GREB1L: variants seen among roughly 807,000 people sequenced by gnomAD.
The protein encoded by GREB1L is GREB1 like retinoic acid receptor coactivator.
A neutral mutation model predicts 200.8 loss-of-function variants in GREB1L; 17 were observed. That is an observed-to-expected ratio of 0.08 (90% CI 0.06 to 0.13). The LOEUF (loss-of-function observed/expected upper bound fraction) is 0.13. Among genes scored for constraint, GREB1L ranks in the 10% least tolerant of loss-of-function variants. GREB1L has a pLI of 1.00. For missense variants in GREB1L, 1,657 were observed against 2,367.7 expected (o/e 0.70, Z 6.23); for synonymous variants, 789 against 893.0 (o/e 0.88, Z 2.08).
intron 7 of GREB1L, 67 bp from the exon 8 acceptor site, chr18:21,439,454 C>T: frequency 1.1e-6 from 1 of 917,026 alleles, no homozygotes; most frequent in Non-Finnish European, 1.8e-6. Flanking sequence ...CAGATGGTTC[C>T]AGCATCCCAG....
At chr18:21,388,082 C>A (rs763029134) in intron 4 of GREB1L, among the ~76,000 whole-genome samples, 3 of 152,094 alleles carry the variant, frequency 2.0e-5, no homozygotes, top group African/African-American at 2.4e-5. Context: ...AAACTGAATT[C>A]ATAAACTTTT....
intron 6 of GREB1L, 130 bp from the exon 7 acceptor site, chr18:21,403,742 A>ATC (rs2041413090): frequency 3.0e-6 from 2 of 660,266 alleles, no homozygotes; most frequent in Admixed American, 2.8e-5. Flanking sequence ...GGGGAAGGTG[A>ATC]TCTCTAATTA....
At chr18:21,412,834 A>C (rs2031210892) in intron 7 of GREB1L, among the ~76,000 whole-genome samples, 1 of 149,856 alleles carries the variant, frequency 6.7e-6, no homozygotes, top group Non-Finnish European at 1.5e-5. Context: ...AAAAGGGTGG[A>C]TTTACCACCC....
At chr18:21,321,369 T>C (rs912569048) in intron 1 of GREB1L, among the ~76,000 whole-genome samples, 2 of 151,614 alleles carry the variant, frequency 1.3e-5, no homozygotes, top group Admixed American at 6.6e-5. Flanking sequence ...AGATTGAAAA[T>C]ACTGTTTCCC....
At chr18:21,294,930 A>C (rs2038503694) in intron 1 of GREB1L, among the ~76,000 whole-genome samples, 1 of 152,132 alleles carries the variant, frequency 6.6e-6, no homozygotes, top group African/African-American at 2.4e-5. Flanking sequence ...TCAGTTTGGC[A>C]TTGTGATGAA....
intron 2 of GREB1L, among the ~76,000 whole-genome samples, chr18:21,376,093 T>TTCTC (rs149573179): frequency 3.3e-5 from 5 of 149,486 alleles, no homozygotes; most frequent in African/African-American, 1.2e-4. Context: ...AGGAGGGCAT[T>TTCTC]TCTCTCTCTC....
At position 21,305,079 on chromosome 18, in the gene GREB1L, G is replaced by A. The variant is rs532615146; in HGVS notation, c.-119-60948G>A. On this transcript the variant is annotated intron_variant, in intron 1 of 32. Coordinates refer to ENST00000424526, the MANE Select transcript of GREB1L (RefSeq NM_001142966.3). ...CTGTAACTTCCTCCTGGGTTCAAGC[G>A]ATTCTCCTGCCTCAGCCTCCCGAGT... Among the ~76,000 whole-genome samples the A allele has an allele frequency of 1.4e-4, 22 of 151,910 alleles. No individual in the cohort carries two copies. The East Asian group carries it at 3.3e-3, about 23-fold the overall frequency.
In GREB1L at chr18:21,513,684, A is replaced by G. The variant is rs189738007; in HGVS notation, c.4736-137A>G. The G allele has an allele frequency of 2.1e-4, 150 of 717,232 alleles. 1 individual carries two copies. In the Admixed American group the frequency reaches 4.1e-3, roughly 19 times the overall value. 44.4% of individuals were successfully genotyped at this position (717,232 alleles called of 1,614,324 possible). On this transcript the variant is annotated intron_variant, in intron 27 of 32. Coordinates refer to ENST00000424526, the MANE Select transcript of GREB1L (RefSeq NM_001142966.3). ...ACTGGTTTGAGAGCCACTGCTCTGA[A>G]CATTTGGTTGGCTCCCACCTGCATG...
At chr18:21,476,401 AG>A (rs2035700616) in intron 16 of GREB1L, among the ~76,000 whole-genome samples, 1 of 152,062 alleles carries the variant, frequency 6.6e-6, no homozygotes, top group African/African-American at 2.4e-5. Flanking sequence ...AGGGAGAGAG[AG>A]AGAGAGCGGG....
chr18:21,277,203 C>T (rs951813456), intron 1 of GREB1L, among the ~76,000 whole-genome samples: 1 of 152,102 alleles, frequency 6.6e-6, no homozygotes, highest in African/African-American at 2.4e-5. Flanking sequence ...GCTGGGATTA[C>T]AGGCGTGAGC....
chr18:21,387,563 T>G (rs2040596603), intron 4 of GREB1L: 1 of 152,220 alleles, frequency 6.6e-6, no homozygotes, highest in Non-Finnish European at 1.5e-5. Flanking sequence ...CTTAGGATAC[T>G]CTTAACCAGA....
In GREB1L at chr18:21,412,051, CAAAAAAA is replaced by C. The variant is rs962603456; in HGVS notation, c.832+8077_832+8083del. ...TGGGCGACAGAGCGAGACTCCGTCT[CAAAAAAA>C]AAAAAAAAAAAAAAAAAAATAGAAT... On this transcript the variant is annotated intron_variant, in intron 7 of 32. Coordinates refer to ENST00000424526, the MANE Select transcript of GREB1L (RefSeq NM_001142966.3). Among the ~76,000 whole-genome samples, 253 of 30,498 alleles carry C rather than the reference CAAAAAAA, an allele frequency of 8.3e-3. 1 individual carries two copies. The highest frequency in any genetic ancestry group is 0.024 in the African/African-American group (222 of 9,162). The allele number at this position is 30,498 out of a possible 152,430, so 20.0% of individuals were successfully genotyped here. A position where few individuals can be genotyped will look rare whatever the true frequency, so the allele number is the denominator to read the frequency against.
At position 21,325,813 on chromosome 18, in the gene GREB1L, CAAAAAAAAAA is replaced by C. The variant is rs60239796; in HGVS notation, c.-119-40194_-119-40185del. ...TGGGTGACAGAGCAAGACCTTGTCT[CAAAAAAAAAA>C]AAAAAAAAAAAAAAAAAAAGTCCCA... On this transcript the variant is annotated intron_variant, in intron 1 of 32. Coordinates refer to ENST00000424526, the MANE Select transcript of GREB1L (RefSeq NM_001142966.3). Among the ~76,000 whole-genome samples the C allele has an allele frequency of 3.2e-3, 132 of 41,694 alleles. 2 individuals carry two copies. In the South Asian group the frequency reaches 0.066, roughly 21 times the overall value. The allele number at this position is 41,694 out of a possible 152,430, so 27.4% of individuals were successfully genotyped here.
intron 1 of GREB1L, among the ~76,000 whole-genome samples, chr18:21,334,872 T>C (rs2039161754): frequency 6.6e-6 from 1 of 152,192 alleles, no homozygotes; most frequent in Non-Finnish European, 1.5e-5. Flanking sequence ...AGGTAATTCA[T>C]CTTGATGACT....
At chr18:21,343,919 G>C (rs1176312644) in intron 1 of GREB1L, among the ~76,000 whole-genome samples, 2 of 151,918 alleles carry the variant, frequency 1.3e-5, no homozygotes, top group Non-Finnish European at 2.9e-5. Context: ...GGAACTACAA[G>C]TGTGTACCAC....
Position 21,276,551 on chromosome 18 carries a change from A to G in GREB1L, c.-120+34158A>G, listed in dbSNP as rs1440022130. ...GCATGCCTGTTCCACCATCCTTTCC[A>G]GCTCTCTGAAAATGAACTTGGCTTC... On this transcript the variant is annotated intron_variant, in intron 1 of 32. Coordinates refer to ENST00000424526, the MANE Select transcript of GREB1L (RefSeq NM_001142966.3). Among the ~76,000 whole-genome samples, 4 of 152,150 alleles carry G rather than the reference A, an allele frequency of 2.6e-5. No individual in the cohort carries two copies. The East Asian group carries it at 7.7e-4, about 29-fold the overall frequency.
chr18:21,279,346 C>T (rs959911568), intron 1 of GREB1L, among the ~76,000 whole-genome samples: 7 of 151,904 alleles, frequency 4.6e-5, no homozygotes, highest in African/African-American at 1.5e-4. Context: ...TTATGGAAGC[C>T]TAATTCCATC....
chr18:21,417,488 T>C (rs2031753716), intron 7 of GREB1L, among the ~76,000 whole-genome samples: 1 of 152,154 alleles, frequency 6.6e-6, no homozygotes, highest in Non-Finnish European at 1.5e-5. Flanking sequence ...CACTCCAGCC[T>C]GGATGAAAGA....
At chr18:21,250,561 G>C (rs1481429291) in intron 1 of GREB1L, among the ~76,000 whole-genome samples, 2 of 152,236 alleles carry the variant, frequency 1.3e-5, no homozygotes, top group African/African-American at 4.8e-5. Flanking sequence ...TTTTAGAGCA[G>C]ATGCACTTGA....
Sources: gnomAD v4.1 joint callset for allele counts (sites outside exome capture counted in the v4.1 genomes callset) on GRCh38, gnomAD v4.1.1 for gene constraint, MANE v1.5 for transcripts, NCBI Gene and HGNC (gene_info 2026-07-23, HGNC 2026-07-21) for gene names.